MRPL48: variants seen among roughly 807,000 people sequenced by gnomAD.
The protein encoded by MRPL48 is mitochondrial ribosomal protein L48.
Under a neutral mutation model 32.9 loss-of-function variants are expected in MRPL48, and 16 were observed. That is an observed-to-expected ratio of 0.49 (90% CI 0.33 to 0.74). The LOEUF is 0.74. Ranked by LOEUF, MRPL48 falls within the 30% of genes least tolerant of loss-of-function variation. The pLI is 0.02. For missense variants in MRPL48, 206 were observed against 245.3 expected, an observed-to-expected ratio of 0.84 and a Z score of 1.07; for synonymous variants, 94 against 89.2, an observed-to-expected ratio of 1.05 and a Z score of -0.31.
chr11:73,837,260 C>T (rs181201421), intron 4 of MRPL48, among the ~76,000 whole-genome samples: 75 of 152,284 alleles, frequency 4.9e-4, no homozygotes, highest in African/African-American at 1.7e-3. Context: ...AGGAGAGAGC[C>T]TGGGCTTGGG....
At chr11:73,829,967 A>G (rs1947964636) in intron 4 of MRPL48, among the ~76,000 whole-genome samples, 2 of 152,000 alleles carry the variant, frequency 1.3e-5, no homozygotes, top group Middle Eastern at 6.8e-3. Flanking sequence ...TCGCCATGTT[A>G]CCCAGGCTGG....
rs533632712 is a variant in MRPL48 at position 73,805,027 on chromosome 11, G to T, written c.22G>T (p.Val8Leu). Residue 8 changes from valine to leucine, a missense_variant and splice_region_variant, in exon 2 of 8, where the codon GTG (valine) becomes TTG (leucine). Coordinates refer to ENST00000310614, the MANE Select transcript of MRPL48 (RefSeq NM_016055.6). ...TCCTAACATGGCTGTTTTGCTGTAG[G>T]TGCTGTGCCTGAGGAACAATACCAT... MSGTLEK[V>L]LCLRNNTIFK... 9.4e-6 allele frequency: 15 copies of T among 1,590,060 alleles called. No homozygotes were observed. The East Asian group carries it at 3.4e-4, about 36-fold the overall frequency.
chr11:73,851,926 C>T (rs1948398013), intron 5 of MRPL48, among the ~76,000 whole-genome samples: 1 of 151,678 alleles, frequency 6.6e-6, no homozygotes. Flanking sequence ...CGTACACACA[C>T]ACACACACAC....
At chr11:73,808,446 A>C (rs934049634) in intron 3 of MRPL48, 96 bp downstream of exon 3, 1 of 1,309,204 alleles carries the variant, frequency 7.6e-7, no homozygotes, top group Non-Finnish European at 1.1e-6. Flanking sequence ...CATATCTTTG[A>C]GAACAGTGGC....
At chr11:73,831,874 AG>A (rs1306716753) in intron 4 of MRPL48, among the ~76,000 whole-genome samples, 2 of 125,944 alleles carry the variant, frequency 1.6e-5, no homozygotes, top group Non-Finnish European at 3.2e-5. Flanking sequence ...GGGGAGGTGG[AG>A]GTTGCAATGA....
intron 1 of MRPL48, among the ~76,000 whole-genome samples, chr11:73,800,010 A>G (rs2512632): frequency 1.3e-5 from 2 of 152,180 alleles, no homozygotes; most frequent in East Asian, 3.8e-4. Context: ...TTCTCTTACC[A>G]AACCTATAAC....
intron 4 of MRPL48, among the ~76,000 whole-genome samples, chr11:73,830,642 T>C (rs577656036): frequency 6.6e-6 from 1 of 152,268 alleles, no homozygotes; most frequent in Non-Finnish European, 1.5e-5. Context: ...CCCTCTACTC[T>C]TGTGAGCCCA....
intron 3 of MRPL48, among the ~76,000 whole-genome samples, chr11:73,824,994 G>A (rs986149042): frequency 2.0e-5 from 3 of 152,258 alleles, no homozygotes; most frequent in East Asian, 3.9e-4. Flanking sequence ...GTCCTGCAGT[G>A]GAGAATTTGT....
intron 2 of MRPL48, among the ~76,000 whole-genome samples, chr11:73,807,081 G>A (rs1327552214): frequency 6.6e-6 from 1 of 151,946 alleles, no homozygotes; most frequent in Non-Finnish European, 1.5e-5. Context: ...TGTTGACCTG[G>A]CTAGTTTCGA....
At chr11:73,795,399 AT>A (rs1008497164) in intron 1 of MRPL48, among the ~76,000 whole-genome samples, 63 of 146,832 alleles carry the variant, frequency 4.3e-4, no homozygotes, top group Middle Eastern at 3.5e-3. Context: ...TCATCTCTGA[AT>A]TTTTTTTTTT....
chr11:73,809,069 C>T (rs1947517972), intron 3 of MRPL48, among the ~76,000 whole-genome samples: 1 of 151,826 alleles, frequency 6.6e-6, no homozygotes, highest in African/African-American at 2.4e-5. Context: ...CTCTTGAGCC[C>T]AGGTTACAGT....
rs1947881468 is a variant in MRPL48 at position 73,825,923 on chromosome 11, C to T, written c.201+127C>T. The T allele has an allele frequency of 2.0e-5, 16 of 801,254 alleles. No homozygotes were observed. The South Asian group carries it at 3.1e-4, about 16-fold the overall frequency. The allele number at this position is 801,254 out of a possible 1,614,324, so 49.6% of individuals were successfully genotyped here. ...GATAAAGTTGCCTCTCAATCCTTGC[C>T]AGTTATTAATTTGGAATTTCCAGAC... On this transcript the variant is annotated intron_variant, in intron 4 of 7. Transcript: ENST00000310614.
intron 5 of MRPL48, among the ~76,000 whole-genome samples, chr11:73,849,810 A>G (rs1333680214): frequency 1.3e-5 from 2 of 152,206 alleles, no homozygotes; most frequent in Admixed American, 6.5e-5. Flanking sequence ...TTTATAAGAA[A>G]TCAAGGCTTG....
chr11:73,846,640 T>TA (rs1049855286), intron 5 of MRPL48, among the ~76,000 whole-genome samples: 5 of 151,236 alleles, frequency 3.3e-5, no homozygotes, highest in Non-Finnish European at 7.4e-5. Flanking sequence ...ATTACAGGAG[T>TA]GAACCACTGT....
chr11:73,820,904 C>A (rs971195329), intron 3 of MRPL48, among the ~76,000 whole-genome samples: 1 of 152,144 alleles, frequency 6.6e-6, no homozygotes, highest in Non-Finnish European at 1.5e-5. Flanking sequence ...TTCACAGAGG[C>A]CTTCCCTGAT....
chr11:73,860,846 G>A (rs1226221429), intron 6 of MRPL48, among the ~76,000 whole-genome samples: 4 of 152,058 alleles, frequency 2.6e-5, no homozygotes, highest in African/African-American at 9.7e-5. Context: ...AAAAGAAACC[G>A]TGTACTCATT....
chr11:73,807,388 C>CTTTTTT (rs34790215), intron 2 of MRPL48, among the ~76,000 whole-genome samples: 1 of 147,408 alleles, frequency 6.8e-6, no homozygotes, highest in Non-Finnish European at 1.5e-5. Flanking sequence ...CTTCCATCTT[C>CTTTTTT]TTTTTTTTTT....
chr11:73,850,740 G>C (rs1021248596), intron 5 of MRPL48: 6 of 211,232 alleles, frequency 2.8e-5, no homozygotes, highest in Non-Finnish European at 4.7e-5. Context: ...GCAGCGGCGC[G>C]ATCTCGACTC....
intron 3 of MRPL48, 61 bp from the exon 4 acceptor site, chr11:73,825,647 T>C: frequency 1.4e-6 from 2 of 1,457,318 alleles, no homozygotes; most frequent in Admixed American, 2.0e-5. Context: ...CCCTGTCTCT[T>C]AAAAAACAAC....
Sources: gnomAD v4.1 joint callset for allele counts (sites outside exome capture counted in the v4.1 genomes callset) on GRCh38, gnomAD v4.1.1 for gene constraint, MANE v1.5 for transcripts, NCBI Gene and HGNC (gene_info 2026-07-23, HGNC 2026-07-21) for gene names.